The following SMARCA2 variants were observed in gnomAD, a reference collection of about 807,000 sequenced individuals.
The protein encoded by SMARCA2 is SWI/SNF related BAF chromatin remodeling complex subunit ATPase 2.
SMARCA2 carries 61 observed loss-of-function variants against 199.8 expected under a neutral mutation model. The ratio of observed to expected loss-of-function variants is 0.31; its 90% CI spans 0.25 to 0.38. The LOEUF (loss-of-function observed/expected upper bound fraction) is 0.38, where lower values mean the gene tolerates loss of function less well. Among genes scored for constraint, SMARCA2 ranks in the 10% least tolerant of loss-of-function variants. The probability of loss-of-function intolerance (pLI) is 1.00; values close to 1 mark genes in which losing one functional copy is unlikely to be tolerated. For synonymous variants in SMARCA2, 935 were observed against 732.0 expected (o/e 1.28, Z -4.48); for missense variants, 1,344 against 2,012.2 (o/e 0.67, Z 6.35).
At chr9:2,158,515 C>T (rs1292980605) in intron 27 of SMARCA2, 2 of 157,068 alleles carry the variant, frequency 1.3e-5, no homozygotes, top group Non-Finnish European at 2.8e-5. Context: ...AATTAGGGCT[C>T]GCACTCTTGC....
intron 27 of SMARCA2, among the ~76,000 whole-genome samples, chr9:2,147,157 A>G (rs1373149126): frequency 6.6e-6 from 1 of 151,916 alleles, no homozygotes; most frequent in East Asian, 1.9e-4. Flanking sequence ...GATCTGAGCA[A>G]TAGGATACAG....
Position 2,085,310 on chromosome 9 carries a change from A to G in SMARCA2, c.2526+1114A>G, listed in dbSNP as rs147951481. On this transcript the variant is annotated intron_variant, in intron 17 of 33. Coordinates refer to ENST00000349721, the MANE Select transcript of SMARCA2 (RefSeq NM_003070.5). ...AAAAAATTCATCTTGTGTCTTCTGC[A>G]TATGTATTTCAAGATTCATTGGAGA... Among the ~76,000 whole-genome samples, 185 of 152,282 alleles carry G rather than the reference A, an allele frequency of 1.2e-3. 1 individual carries two copies. Among genetic ancestry groups the G allele is most frequent in the South Asian group, 9.9e-3 (48 of 4,826 alleles).
intron 9 of SMARCA2, among the ~76,000 whole-genome samples, chr9:2,064,351 A>G (rs78269264): frequency 0.041 from 6,304 of 152,354 alleles, 189 homozygotes; most frequent in Non-Finnish European, 0.057. Flanking sequence ...TAAGAAGGCA[A>G]TAGGAATGTT....
chr9:2,147,413 T>A (rs963914172), intron 27 of SMARCA2, among the ~76,000 whole-genome samples: 4 of 152,224 alleles, frequency 2.6e-5, no homozygotes, highest in Admixed American at 1.3e-4. Flanking sequence ...ATGTAATTTT[T>A]AATTAAAAGC....
At chr9:2,087,295 T>C in intron 18 of SMARCA2, 1 of 544,614 alleles carries the variant, frequency 1.8e-6, no homozygotes, top group Non-Finnish European at 3.2e-6. Flanking sequence ...CTTTGTCTTT[T>C]GCCAGCATGT....
intron 27 of SMARCA2, among the ~76,000 whole-genome samples, chr9:2,143,707 T>C (rs949176804): frequency 6.6e-6 from 1 of 152,208 alleles, no homozygotes; most frequent in African/African-American, 2.4e-5. Flanking sequence ...TGATGCTACC[T>C]TTAGATGAGA....
intron 25 of SMARCA2, 137 bp downstream of exon 25, chr9:2,116,186 C>A: frequency 1.5e-6 from 1 of 673,208 alleles, no homozygotes; most frequent in South Asian, 1.9e-5. Flanking sequence ...TGTTTTAGAT[C>A]CCAACCACAG....
chr9:2,050,562 T>C (rs1820073569), intron 5 of SMARCA2, among the ~76,000 whole-genome samples: 2 of 152,164 alleles, frequency 1.3e-5, no homozygotes, highest in African/African-American at 4.8e-5. Context: ...AGTCAGACTT[T>C]AGTATGAAAA....
At chr9:2,044,151 G>A (rs1197271767) in intron 4 of SMARCA2, 2 of 152,288 alleles carry the variant, frequency 1.3e-5, no homozygotes, top group Admixed American at 1.3e-4. Context: ...TGGGTAGGTA[G>A]ACTTTGGGCA....
chr9:2,067,241 A>G (rs1163592659), intron 9 of SMARCA2, among the ~76,000 whole-genome samples: 1 of 152,240 alleles, frequency 6.6e-6, no homozygotes, highest in African/African-American at 2.4e-5. Flanking sequence ...TTATGATAGT[A>G]ATAATTTAAT....
rs375004312 is a variant in SMARCA2, at chr9:2,047,031, C to G, written c.791-198C>G. On this transcript the variant is annotated intron_variant, in intron 4 of 33. Coordinates refer to ENST00000349721, the MANE Select transcript of SMARCA2 (RefSeq NM_003070.5). ...TTCTCCGTTTTCTTTTTCCTTTTAC[C>G]CCGTTCCCTGTCTTGCCCTCCTCTC... Among the ~76,000 whole-genome samples, 26 of 150,146 alleles carry G rather than the reference C, an allele frequency of 1.7e-4. No individual in the cohort carries two copies. In the South Asian group the frequency reaches 4.0e-3, roughly 23 times the overall value.
intron 30 of SMARCA2, 108 bp from the exon 31 acceptor site, chr9:2,182,033 C>A: frequency 1.2e-6 from 1 of 807,638 alleles, no homozygotes; most frequent in Non-Finnish European, 2.2e-6. Context: ...CCTGGCAGGG[C>A]TTTATGCTGT....
intron 27 of SMARCA2, chr9:2,157,651 G>C (rs914682677): frequency 8.0e-6 from 3 of 375,006 alleles, no homozygotes. Context: ...TTGTTCCACT[G>C]TAAGGACTGT....
Position 2,193,375 on chromosome 9 carries a change from A to T in SMARCA2, c.*636A>T, listed in dbSNP as rs916873991. ...TAATTTTTTTGCTCTTGATTTAAAA[A>T]AAAGTTTTGTTGAAAGCGCTATTGA... On this transcript the variant is annotated 3_prime_UTR_variant, in exon 34 of 34. Transcript: ENST00000349721. The T allele has an allele frequency of 2.0e-5, 3 of 152,682 alleles. No homozygotes were observed. The highest frequency in any genetic ancestry group is 2.9e-5 in the Non-Finnish European group (2 of 68,056). 9.5% of individuals were successfully genotyped at this position (152,682 alleles called of 1,614,324 possible). A position where few individuals can be genotyped will look rare whatever the true frequency, so the allele number is the denominator to read the frequency against.
In SMARCA2 at chr9:2,039,429, G is replaced by A. The variant is rs375629566; in HGVS notation, c.356-37G>A. ...GGATATCTCTCTTTCAGGGTTGTCAGGGGCAGCCTGTGATTTCCTTTTGTG... is the reference window on the plus strand; with the variant it reads ...GGATATCTCTCTTTCAGGGTTGTCAAGGGCAGCCTGTGATTTCCTTTTGTG... On this transcript the variant is annotated intron_variant, in intron 3 of 33. Coordinates refer to ENST00000349721, the MANE Select transcript of SMARCA2 (RefSeq NM_003070.5). This position sits in a 1 kb window ranked among gnomAD's most constrained non-coding sequence, Gnocchi z 4.8. 1.2e-5 allele frequency: 19 copies of A among 1,592,234 alleles called. No homozygotes were observed. The highest frequency in any genetic ancestry group is 1.7e-5 in the Admixed American group (1 of 57,994).
intron 1 of SMARCA2, among the ~76,000 whole-genome samples, chr9:2,020,837 A>G (rs1051308047): frequency 6.6e-6 from 1 of 152,204 alleles, no homozygotes; most frequent in Non-Finnish European, 1.5e-5. Context: ...AATGTTTGAT[A>G]TAAACACCTC....
intron 29 of SMARCA2, among the ~76,000 whole-genome samples, chr9:2,172,841 G>C (rs1234100832): frequency 2.6e-5 from 4 of 152,176 alleles, no homozygotes; most frequent in African/African-American, 4.8e-5. Flanking sequence ...GCAGTGGAAA[G>C]TAGATAGCCA....
chr9:2,047,633 C>T, intron 5 of SMARCA2, 149 bp downstream of exon 5: 1 of 999,194 alleles, frequency 1.0e-6, no homozygotes, highest in East Asian at 3.7e-5. Context: ...CTGGGGCCTT[C>T]CCGGTGCTGA....
chr9:2,097,117 T>C, intron 20 of SMARCA2: 3 of 489,260 alleles, frequency 6.1e-6, no homozygotes, highest in South Asian at 5.8e-5. Flanking sequence ...TCCTACGGAA[T>C]AGACAGTCAT....
Sources: gnomAD v4.1 joint callset for allele counts (sites outside exome capture counted in the v4.1 genomes callset) on GRCh38, gnomAD v4.1.1 for gene constraint, Gnocchi (gnomAD v3.1) non-coding constraint, MANE v1.5 for transcripts, NCBI Gene and HGNC (gene_info 2026-07-23, HGNC 2026-07-21) for gene names.